Variants in RBMS3 observed in about 807,000 individuals in gnomAD.
The protein encoded by RBMS3 is RNA-binding motif, single-stranded-interacting protein 3.
RBMS3 carries 27 observed loss-of-function variants against 66.8 expected under a neutral mutation model. The observed-to-expected ratio is 0.40, with a 90% CI of 0.30 to 0.56. The LOEUF (loss-of-function observed/expected upper bound fraction) is 0.56. RBMS3 is among the 20% of genes least tolerant of loss of function. RBMS3 has a pLI of 0.40. For missense variants in RBMS3, 513 were observed against 549.5 expected (o/e 0.93, Z 0.66); for synonymous variants, 188 against 183.0 (o/e 1.03, Z -0.22).
At chr3:29,512,638 A>G (rs1286459713) in intron 3 of RBMS3, among the ~76,000 whole-genome samples, 1 of 152,214 alleles carries the variant, frequency 6.6e-6, no homozygotes, top group Non-Finnish European at 1.5e-5. Context: ...ACTACTAAGG[A>G]CTTTTCAGGG....
chr3:29,995,049 T>TAGAATAACCAATAC (rs1699127187), intron 14 of RBMS3, among the ~76,000 whole-genome samples: 2 of 152,066 alleles, frequency 1.3e-5, no homozygotes, highest in African/African-American at 4.8e-5. Flanking sequence ...AATGTATAAC[T>TAGAATAACCAATAC]AGAATAACCA....
rs564859516 is a variant in RBMS3, at chr3:30,001,054, AAAATT to A, written c.1308-2795_1308-2791del. ...AAAGTATAATAAAAAAAAGAAAAGA[AAAATT>A]AAATTATTAAAGAAGTCTAACAGTT... On this transcript the variant is annotated intron_variant, in intron 14 of 14. Coordinates refer to ENST00000383767, the MANE Select transcript of RBMS3 (RefSeq NM_001003793.3). 7.9e-5 allele frequency among the ~76,000 whole-genome samples: 12 copies of A among 152,166 alleles called. No homozygotes were observed. The South Asian group carries it at 2.1e-3, about 26-fold the overall frequency.
chr3:29,931,772 C>A (rs953459902), intron 10 of RBMS3, among the ~76,000 whole-genome samples: 1 of 152,158 alleles, frequency 6.6e-6, no homozygotes, highest in Admixed American at 6.5e-5. Context: ...CTCAAGCTAC[C>A]TTCATGCCAT....
intron 1 of RBMS3, among the ~76,000 whole-genome samples, chr3:29,409,452 G>A (rs1463507189): frequency 6.6e-6 from 1 of 152,202 alleles, no homozygotes; most frequent in African/African-American, 2.4e-5. Context: ...AGTCTTCATT[G>A]CAGTAAGTAC....
At chr3:29,528,999 C>T (rs1463103915) in intron 3 of RBMS3, among the ~76,000 whole-genome samples, 1 of 152,162 alleles carries the variant, frequency 6.6e-6, no homozygotes, top group Non-Finnish European at 1.5e-5. Flanking sequence ...CCACCTTGGC[C>T]TCCCAAAGTG....
intron 7 of RBMS3, among the ~76,000 whole-genome samples, chr3:29,874,738 A>G (rs2059571527): frequency 6.6e-6 from 1 of 151,878 alleles, no homozygotes; most frequent in South Asian, 2.1e-4. Flanking sequence ...CTTAAAATAA[A>G]CCTTTTTTTT....
intron 3 of RBMS3, among the ~76,000 whole-genome samples, chr3:29,515,913 T>C (rs1282032595): frequency 1.3e-5 from 2 of 152,184 alleles, no homozygotes; most frequent in Non-Finnish European, 2.9e-5. Flanking sequence ...CCAAATGATG[T>C]TGGAAATAGT....
chr3:29,995,926 TTAAATGTAAATGGAC>T (rs1699198419), intron 14 of RBMS3, among the ~76,000 whole-genome samples: 1 of 151,890 alleles, frequency 6.6e-6, no homozygotes, highest in African/African-American at 2.4e-5. Flanking sequence ...AATATTAACT[TTAAATGTAAATGGAC>T]TAAATGCTCC....
intron 3 of RBMS3, chr3:29,537,591 GAGGGGGGTGGATCAC>G (rs2045611602): frequency 6.6e-6 from 1 of 152,184 alleles, no homozygotes; most frequent in African/African-American, 2.4e-5. Context: ...TTGGCAGGCC[GAGGGGGGTGGATCAC>G]AAGGTCAGGA....
chr3:29,854,922 G>A (rs1320643500), intron 6 of RBMS3, among the ~76,000 whole-genome samples: 3 of 152,090 alleles, frequency 2.0e-5, no homozygotes, highest in Non-Finnish European at 2.9e-5. Context: ...GCAATTGACT[G>A]TACTATTTCT....
At chr3:29,313,246 G>A (rs1268617786) in intron 1 of RBMS3, among the ~76,000 whole-genome samples, 4 of 151,702 alleles carry the variant, frequency 2.6e-5, no homozygotes, top group African/African-American at 7.3e-5. Flanking sequence ...TGAAACATCT[G>A]GTCTTGTTTA....
intron 10 of RBMS3, among the ~76,000 whole-genome samples, chr3:29,923,560 C>T (rs533066420): frequency 3.5e-4 from 53 of 152,182 alleles, no homozygotes; most frequent in African/African-American, 1.3e-3. Context: ...CCGTTCATTT[C>T]CTTGCCTATC....
chr3:29,323,996 GAAA>G (rs34678893), intron 1 of RBMS3, among the ~76,000 whole-genome samples: 10 of 145,554 alleles, frequency 6.9e-5, no homozygotes, highest in African/African-American at 2.0e-4. Context: ...TGCCCACTCT[GAAA>G]AAAAAAAAAA....
chr3:29,747,260 G>A (rs1045604062), intron 5 of RBMS3, among the ~76,000 whole-genome samples: 7 of 152,140 alleles, frequency 4.6e-5, no homozygotes, highest in African/African-American at 1.7e-4. Context: ...TTCTACATGG[G>A]TCTGAAATAA....
chr3:29,320,782 G>C (rs747093510), intron 1 of RBMS3, among the ~76,000 whole-genome samples: 1 of 151,858 alleles, frequency 6.6e-6, no homozygotes, highest in Non-Finnish European at 1.5e-5. Flanking sequence ...GAAGTGGAGG[G>C]CTATTAAGAG....
At chr3:29,413,607 A>G (rs1313426401) in intron 1 of RBMS3, among the ~76,000 whole-genome samples, 1 of 152,232 alleles carries the variant, frequency 6.6e-6, no homozygotes, top group Non-Finnish European at 1.5e-5. Context: ...TAGGATAAAC[A>G]ATGGTACAGT....
intron 4 of RBMS3, among the ~76,000 whole-genome samples, chr3:29,686,342 G>A (rs574489349): frequency 2.7e-4 from 41 of 152,046 alleles, no homozygotes; most frequent in Non-Finnish European, 4.7e-4. Context: ...GAAGGGCTTG[G>A]TGTATATTCA....
chr3:29,403,907 C>A (rs773084339), intron 1 of RBMS3, among the ~76,000 whole-genome samples: 2 of 151,990 alleles, frequency 1.3e-5, no homozygotes, highest in African/African-American at 2.4e-5. Flanking sequence ...TCTTTCTTCT[C>A]CCATATGAAA....
rs547308598 is a variant in RBMS3, at chr3:29,981,596, C to T, written c.1099-6547C>T. ...ATAAATAGCTCTTATTATTTTGATA[C>T]GTTCCATCAATATCTAGTTTATTGA... On this transcript the variant is annotated intron_variant, in intron 12 of 14. Transcript: ENST00000383767. 9.9e-5 allele frequency among the ~76,000 whole-genome samples: 15 copies of T among 151,890 alleles called. No homozygotes were observed. The South Asian group carries it at 1.0e-3, about 11-fold the overall frequency.
Sources: allele counts gnomAD v4.1 joint callset (sites outside exome capture counted in the v4.1 genomes callset), GRCh38; gene constraint gnomAD v4.1.1; transcripts MANE v1.5; gene names NCBI Gene and HGNC (gene_info 2026-07-23, HGNC 2026-07-21).